Variants in LIPA observed in about 807,000 individuals in gnomAD.
The protein encoded by LIPA is lysosomal acid lipase/cholesteryl ester hydrolase.
Under a neutral mutation model 40.6 loss-of-function variants are expected in LIPA, and 26 were observed. The ratio of observed to expected loss-of-function variants is 0.64; its 90% CI spans 0.47 to 0.89. LIPA has a LOEUF of 0.89. Among genes scored for constraint, LIPA ranks in the 40% least tolerant of loss-of-function variants. LIPA has a pLI of 0.00. For missense variants in LIPA, 455 were observed against 479.6 expected, an observed-to-expected ratio of 0.95 and a Z score of 0.48; for synonymous variants, 188 against 168.4, an observed-to-expected ratio of 1.12 and a Z score of -0.90.
intron 2 of LIPA, among the ~76,000 whole-genome samples, chr10:89,354,168 C>G (rs1324563468): frequency 6.6e-6 from 1 of 152,156 alleles, no homozygotes; most frequent in Non-Finnish European, 1.5e-5. Flanking sequence ...TACCCCACCA[C>G]CATATATAAA....
chr10:89,397,766 T>C (rs949589295), intron 2 of LIPA, among the ~76,000 whole-genome samples: 2 of 152,242 alleles, frequency 1.3e-5, no homozygotes, highest in Non-Finnish European at 1.5e-5. Context: ...TGTTGAACTA[T>C]ACCAATTTAC....
chr10:89,284,119 C>G (rs915137612), intron 1 of LIPA: 39 of 152,148 alleles, frequency 2.6e-4, no homozygotes, highest in African/African-American at 8.9e-4. Flanking sequence ...CAGGAAGTGG[C>G]CAGAGCCTGG....
intron 4 of LIPA, 147 bp downstream of exon 4, chr10:89,228,053 C>T: frequency 1.5e-6 from 1 of 688,694 alleles, no homozygotes; most frequent in Non-Finnish European, 2.6e-6. Flanking sequence ...AAATTCCTAG[C>T]AACATTTAAA....
chr10:89,345,468 G>T (rs1277830073), upstream of LIPA, among the ~76,000 whole-genome samples: 3 of 152,014 alleles, frequency 2.0e-5, no homozygotes, highest in African/African-American at 7.2e-5. Flanking sequence ...GACAGAGGTT[G>T]CAGTGAGCTG....
intron 2 of LIPA, among the ~76,000 whole-genome samples, chr10:89,364,165 T>A (rs973826499): frequency 2.0e-5 from 3 of 152,226 alleles, no homozygotes; most frequent in Non-Finnish European, 2.9e-5. Context: ...ACTTTTTGGC[T>A]AATGAACACC....
intron 1 of LIPA, among the ~76,000 whole-genome samples, chr10:89,318,145 G>T (rs1460964684): frequency 6.6e-6 from 1 of 152,204 alleles, no homozygotes; most frequent in Non-Finnish European, 1.5e-5. Context: ...GTGCTAGGAA[G>T]AAACGGCATC....
intron 1 of LIPA, among the ~76,000 whole-genome samples, chr10:89,249,387 T>G (rs1291403219): frequency 2.0e-5 from 3 of 152,216 alleles, no homozygotes; most frequent in African/African-American, 7.2e-5. Flanking sequence ...AACTTCTACA[T>G]TTTTAAAAAA....
chr10:89,241,236 T>C (rs1173336284), intron 3 of LIPA, among the ~76,000 whole-genome samples: 3 of 152,170 alleles, frequency 2.0e-5, no homozygotes, highest in Admixed American at 1.3e-4. Context: ...CCTGGGTCTA[T>C]GAGATAAGCT....
At chr10:89,264,829 G>A (rs1206185862) in intron 1 of LIPA, among the ~76,000 whole-genome samples, 1 of 152,214 alleles carries the variant, frequency 6.6e-6, no homozygotes, top group Non-Finnish European at 1.5e-5. Context: ...GCCCTCCCTG[G>A]CTTCAAGGTG....
At chr10:89,328,127 G>GT (rs1266557078) in intron 1 of LIPA, 10 of 1,585,242 alleles carry the variant, frequency 6.3e-6, no homozygotes, top group Middle Eastern at 1.7e-4. Flanking sequence ...AGTGCAAATT[G>GT]TAAGTTGAGT....
At chr10:89,399,001 C>A (rs1350803225) in intron 2 of LIPA, among the ~76,000 whole-genome samples, 2 of 152,004 alleles carry the variant, frequency 1.3e-5, no homozygotes, top group South Asian at 4.1e-4. Flanking sequence ...ACTAGCAGTG[C>A]ACATTTCTCT....
At chr10:89,315,773 T>C (rs1253583624) in intron 1 of LIPA, among the ~76,000 whole-genome samples, 1 of 152,062 alleles carries the variant, frequency 6.6e-6, no homozygotes, top group Non-Finnish European at 1.5e-5. Context: ...GCTTCGTATG[T>C]TTAGTGTGAG....
At chr10:89,330,542 A>G (rs1479837038) in intron 1 of LIPA, among the ~76,000 whole-genome samples, 1 of 152,242 alleles carries the variant, frequency 6.6e-6, no homozygotes, top group Non-Finnish European at 1.5e-5. Flanking sequence ...CCAAAGCCAC[A>G]AGAACTGAAC....
chr10:89,385,242 T>C (rs917772414), intron 2 of LIPA: 1 of 153,310 alleles, frequency 6.5e-6, no homozygotes, highest in African/African-American at 2.4e-5. Context: ...GAGACAACAG[T>C]CTTTCCCAAT....
intron 1 of LIPA, chr10:89,335,259 T>C (rs1305147964): frequency 1.3e-5 from 2 of 152,180 alleles, no homozygotes; most frequent in African/African-American, 2.4e-5. Context: ...TTCCATGTTA[T>C]CATTAAATGT....
chr10:89,257,368 G>A (rs370532185), intron 1 of LIPA, among the ~76,000 whole-genome samples: 13 of 152,172 alleles, frequency 8.5e-5, no homozygotes, highest in Admixed American at 3.3e-4. Context: ...AGTGGTGTGT[G>A]TGTGTGTGTG....
In LIPA at chr10:89,250,296, G is replaced by C. The variant is rs188976387; in HGVS notation, c.-2+1441C>G. On this transcript the variant is annotated intron_variant, in intron 1 of 9. Transcript: ENST00000336233. ...GTTTTTGTATTTTTAGTAGAAACAG[G>C]GTTTCACCGTGTTAGCCAGGATGGT... is the stretch of plus-strand genomic sequence containing the variant. Among the ~76,000 whole-genome samples the C allele has an allele frequency of 1.7e-4, 26 of 151,690 alleles. No homozygotes were observed. In the East Asian group the frequency reaches 4.2e-3, roughly 25 times the overall value.
chr10:89,334,617 C>G (rs531115843), intron 1 of LIPA, among the ~76,000 whole-genome samples: 1 of 147,658 alleles, frequency 6.8e-6, no homozygotes, highest in East Asian at 2.1e-4. Context: ...CTCGGCTTCC[C>G]GAGTAGCTGG....
rs566108550 is a variant in LIPA at position 89,237,144 on chromosome 10, T to C, written c.229+8532A>G. On this transcript the variant is annotated intron_variant, in intron 3 of 9. Transcript: ENST00000336233. ...TGTTTTAAAAATTAGCCGAGTATGG[T>C]TGGCACATGTCTGTAGTCCTAGCTA... Among the ~76,000 whole-genome samples the C allele has an allele frequency of 1.1e-4, 16 of 152,162 alleles. 1 individual carries two copies. The East Asian group carries it at 3.1e-3, about 29-fold the overall frequency.
Sources: allele counts gnomAD v4.1 joint callset (sites outside exome capture counted in the v4.1 genomes callset), GRCh38; gene constraint gnomAD v4.1.1; transcripts MANE v1.5; gene names NCBI Gene and HGNC (gene_info 2026-07-23, HGNC 2026-07-21).